The following CREB5 variants were observed in gnomAD, a reference collection of about 807,000 sequenced individuals.
CREB5 encodes cyclic AMP-responsive element-binding protein 5.
CREB5 carries 19 observed loss-of-function variants against 57.1 expected under a neutral mutation model. The observed-to-expected ratio is 0.33, with a 90% CI of 0.23 to 0.49. The LOEUF (loss-of-function observed/expected upper bound fraction) is 0.49. Among genes scored for constraint, CREB5 ranks in the 20% least tolerant of loss-of-function variants. The pLI, the probability that CREB5 is intolerant of heterozygous loss-of-function variation, is 0.99. For synonymous variants in CREB5, 238 were observed against 238.3 expected (o/e 1.00, Z 0.01); for missense variants, 579 against 671.6 (o/e 0.86, Z 1.52).
At chr7:28,362,737 C>T (rs770358013) in intron 1 of CREB5, among the ~76,000 whole-genome samples, 54 of 152,164 alleles carry the variant, frequency 3.5e-4, no homozygotes, top group African/African-American at 9.9e-4. Flanking sequence ...CCATCCTCAT[C>T]GTCCTTGGGT....
At chr7:28,757,110 T>C (rs769649464) in intron 7 of CREB5, among the ~76,000 whole-genome samples, 4 of 152,164 alleles carry the variant, frequency 2.6e-5, no homozygotes, top group Non-Finnish European at 5.9e-5. Flanking sequence ...GTATTTCCCC[T>C]GAGCCAAGCA....
chr7:28,743,863 A>G (rs977943288), intron 7 of CREB5, among the ~76,000 whole-genome samples: 2 of 22,922 alleles, frequency 8.7e-5, no homozygotes, highest in Admixed American at 8.2e-4. Flanking sequence ...TTTTTTTTTT[A>G]TTATACTCTA....
At chr7:28,498,546 T>A (rs1015383562) in intron 3 of CREB5, among the ~76,000 whole-genome samples, 1 of 152,202 alleles carries the variant, frequency 6.6e-6, no homozygotes, top group African/African-American at 2.4e-5. Context: ...AGCTTTGTCA[T>A]AAGGTTCATT....
chr7:28,326,129 A>G (rs922337836), intron 1 of CREB5, among the ~76,000 whole-genome samples: 8 of 151,996 alleles, frequency 5.3e-5, no homozygotes, highest in Non-Finnish European at 1.0e-4. Context: ...CCTTCTCAGG[A>G]GACAGAACTG....
intron 7 of CREB5, among the ~76,000 whole-genome samples, chr7:28,733,747 C>G (rs572392974): frequency 1.6e-4 from 24 of 152,240 alleles, no homozygotes; most frequent in Non-Finnish European, 3.1e-4. Flanking sequence ...CTCCGTGTCC[C>G]CAGTTTGCCA....
chr7:28,800,846 A>AT (rs1044914104), intron 7 of CREB5, among the ~76,000 whole-genome samples: 2 of 152,064 alleles, frequency 1.3e-5, no homozygotes, highest in Non-Finnish European at 2.9e-5. Flanking sequence ...CCTTTTGATG[A>AT]TGGGGAGGTG....
At chr7:28,420,835 G>A (rs1788219392) in intron 1 of CREB5, among the ~76,000 whole-genome samples, 1 of 150,812 alleles carries the variant, frequency 6.6e-6, no homozygotes. Flanking sequence ...AAAAAGGTTA[G>A]GGTGGCAAGT....
chr7:28,745,687 C>G (rs1804649294), intron 7 of CREB5, among the ~76,000 whole-genome samples: 1 of 152,230 alleles, frequency 6.6e-6, no homozygotes, highest in Non-Finnish European at 1.5e-5. Context: ...ATCCACACCT[C>G]TGGAGCATGC....
At position 28,804,481 on chromosome 7, in the gene CREB5, A is replaced by C. The variant is rs950129517; in HGVS notation, c.985A>C (p.Thr329Pro). 1.6e-5 allele frequency: 26 copies of C among 1,613,718 alleles called. No individual in the cohort carries two copies. The highest frequency in any genetic ancestry group is 2.2e-5 in the Non-Finnish European group (26 of 1,179,944). Residue 329 changes from threonine (T) to proline (P), a missense_variant, in exon 8 of 11, where the codon ACC (threonine) becomes CCC (proline). By Grantham distance (38) the Thr-to-Pro change is conservative. This residue lies in a region of CREB5 where 459 missense variants were observed against 515.7 expected (regional missense o/e 0.89). Coordinates refer to ENST00000357727, the MANE Select transcript of CREB5 (RefSeq NM_182898.4). ...HLHAHPAHHQ[T>P]SPHPPLHTGN... ...TCATGCACACCCAGCACATCACCAG[A>C]CCTCGCCACATCCGCCCCTGCACAC... is the stretch of plus-strand genomic sequence containing the variant.
At chr7:28,560,875 C>CGCGCGCGTGCGCGT (rs1795127001) in intron 4 of CREB5, among the ~76,000 whole-genome samples, 2 of 19,220 alleles carry the variant, frequency 1.0e-4, no homozygotes, top group Non-Finnish European at 2.0e-4. Context: ...CCTGCGTGCG[C>CGCGCGCGTGCGCGT]GTGCGTGCGT....
At chr7:28,764,010 C>A (rs1431557928) in intron 7 of CREB5, among the ~76,000 whole-genome samples, 1 of 151,836 alleles carries the variant, frequency 6.6e-6, no homozygotes, top group Non-Finnish European at 1.5e-5. Flanking sequence ...ACTATGTTGC[C>A]CAGGCTAGTC....
At chr7:28,471,499 G>A (rs1790804518) in intron 1 of CREB5, among the ~76,000 whole-genome samples, 1 of 151,926 alleles carries the variant, frequency 6.6e-6, no homozygotes. Flanking sequence ...GGCTATTTGG[G>A]GTCTTTTGTG....
intron 5 of CREB5, among the ~76,000 whole-genome samples, chr7:28,671,560 G>C (rs1017794652): frequency 6.6e-6 from 1 of 152,184 alleles, no homozygotes; most frequent in African/African-American, 2.4e-5. Context: ...ATTCTGGTGG[G>C]ACTTGGGTTG....
chr7:28,769,674 C>A (rs1199025389), intron 7 of CREB5, among the ~76,000 whole-genome samples: 1 of 152,186 alleles, frequency 6.6e-6, no homozygotes, highest in Non-Finnish European at 1.5e-5. Flanking sequence ...TCAGGGAAGT[C>A]TCCTTGGGTA....
intron 5 of CREB5, among the ~76,000 whole-genome samples, chr7:28,681,092 C>CA (rs200981914): frequency 0.034 from 5,052 of 147,576 alleles, 251 homozygotes; most frequent in African/African-American, 0.12. Context: ...TGTGGGGGTC[C>CA]AAAAAAAGGG....
intron 1 of CREB5, among the ~76,000 whole-genome samples, chr7:28,420,599 G>C (rs1788205488): frequency 6.6e-6 from 1 of 152,080 alleles, no homozygotes; most frequent in African/African-American, 2.4e-5. Flanking sequence ...TTGAGGTCAG[G>C]AGTTCAAGAC....
chr7:28,690,077 G>A (rs1190210013), intron 5 of CREB5, among the ~76,000 whole-genome samples: 3 of 152,096 alleles, frequency 2.0e-5, no homozygotes, highest in Non-Finnish European at 4.4e-5. Context: ...TCCTGACTTG[G>A]TAAGGGAAGG....
At chr7:28,693,399 A>G (rs1801376143) in intron 5 of CREB5, among the ~76,000 whole-genome samples, 1 of 152,242 alleles carries the variant, frequency 6.6e-6, no homozygotes, top group Admixed American at 6.5e-5. Flanking sequence ...AATTGAAGTC[A>G]CGTTGGGCTG....
At chr7:28,498,573 G>A (rs1022654362) in intron 3 of CREB5, among the ~76,000 whole-genome samples, 1 of 152,218 alleles carries the variant, frequency 6.6e-6, no homozygotes, top group Non-Finnish European at 1.5e-5. Context: ...AGGACAGGTA[G>A]AGTCACTCCC....
Sources: gnomAD v4.1 joint callset for allele counts (sites outside exome capture counted in the v4.1 genomes callset) on GRCh38, gnomAD v4.1.1 for gene constraint, gnomAD v4.1.1 regional missense constraint, MANE v1.5 for transcripts, NCBI Gene and HGNC (gene_info 2026-07-23, HGNC 2026-07-21) for gene names.